Variants in PDE4B observed in about 807,000 individuals in gnomAD.
The protein encoded by PDE4B is phosphodiesterase 4B, also known as 3',5'-cyclic-AMP phosphodiesterase 4B.
In PDE4B, 20 loss-of-function variants were observed where a neutral mutation model predicts 82.2. The ratio of observed to expected loss-of-function variants is 0.24; its 90% confidence interval spans 0.17 to 0.35. The LOEUF (loss-of-function observed/expected upper bound fraction) is 0.35. PDE4B is among the 10% of genes least tolerant of loss of function. The probability of loss-of-function intolerance (pLI) is 1.00; values close to 1 mark genes in which losing one functional copy is unlikely to be tolerated. For synonymous variants in PDE4B, 320 were observed against 318.9 expected (o/e 1.00, Z -0.04); for missense variants, 655 against 907.2 (o/e 0.72, Z 3.57).
Position 66,032,815 on chromosome 1 carries a change from C to T in PDE4B, c.281+113980C>T, listed in dbSNP as rs1377709898. 2.6e-5 allele frequency among the ~76,000 whole-genome samples: 4 copies of T among 151,994 alleles called. No homozygotes were observed. The South Asian group carries it at 6.2e-4, about 24-fold the overall frequency. On this transcript the variant is annotated intron_variant, in intron 3 of 16. Coordinates refer to ENST00000341517, the MANE Select transcript of PDE4B (RefSeq NM_002600.4). The stretch of plus-strand genomic sequence containing the variant: ...GACTACAGGCGCCTGCCACCACGCC[C>T]GGCTAATTTTTTGTATTTTTAGTGG...
intron 3 of PDE4B, among the ~76,000 whole-genome samples, chr1:66,104,593 A>G (rs1645301294): frequency 6.7e-6 from 1 of 148,656 alleles, no homozygotes; most frequent in Non-Finnish European, 1.5e-5. Flanking sequence ...CATCCTCTCC[A>G]GCACCTGTTG....
intron 3 of PDE4B, among the ~76,000 whole-genome samples, chr1:65,946,810 C>T (rs1224846180): frequency 2.0e-5 from 3 of 151,914 alleles, no homozygotes; most frequent in East Asian, 1.9e-4. Flanking sequence ...CTCTTTGCAT[C>T]GTTTGGCAAA....
At chr1:66,086,977 T>C (rs901311288) in intron 3 of PDE4B, among the ~76,000 whole-genome samples, 49 of 152,280 alleles carry the variant, frequency 3.2e-4, no homozygotes, top group Admixed American at 8.5e-4. Flanking sequence ...AAGGTGCTTA[T>C]GCCTGGGAGA....
At chr1:66,336,577 T>C (rs1286360309) in intron 8 of PDE4B, among the ~76,000 whole-genome samples, 1 of 152,228 alleles carries the variant, frequency 6.6e-6, no homozygotes, top group Non-Finnish European at 1.5e-5. Flanking sequence ...CTGTTTTATA[T>C]GCAGAACAAA....
chr1:66,072,017 A>G (rs150957842), intron 3 of PDE4B, among the ~76,000 whole-genome samples: 1 of 152,190 alleles, frequency 6.6e-6, no homozygotes, highest in African/African-American at 2.4e-5. Context: ...GCACCAGTAC[A>G]TCTCCAAGAC....
chr1:66,371,600 T>A (rs1045705096), intron 16 of PDE4B, among the ~76,000 whole-genome samples: 1 of 152,194 alleles, frequency 6.6e-6, no homozygotes. Flanking sequence ...AATGACTGCG[T>A]GCTCTGTAGA....
intron 3 of PDE4B, among the ~76,000 whole-genome samples, chr1:65,964,619 T>C (rs760737210): frequency 2.0e-5 from 3 of 152,224 alleles, no homozygotes; most frequent in Non-Finnish European, 4.4e-5. Context: ...TAGAGATGTT[T>C]CTAGAGCATT....
At chr1:66,343,793 G>A (rs1455952028) in intron 8 of PDE4B, among the ~76,000 whole-genome samples, 1 of 152,152 alleles carries the variant, frequency 6.6e-6, no homozygotes, top group Non-Finnish European at 1.5e-5. Flanking sequence ...AGATTATCCT[G>A]CTTTTAAAGA....
chr1:65,948,807 ATCTT>A (rs1648846552), intron 3 of PDE4B, among the ~76,000 whole-genome samples: 1 of 152,016 alleles, frequency 6.6e-6, no homozygotes, highest in Non-Finnish European at 1.5e-5. Context: ...GTGTTGCAAC[ATCTT>A]TCTTGTTTTT....
intron 3 of PDE4B, among the ~76,000 whole-genome samples, chr1:66,072,328 T>C (rs1656195170): frequency 6.6e-6 from 1 of 152,152 alleles, no homozygotes; most frequent in South Asian, 2.1e-4. Flanking sequence ...ACAGCTGATT[T>C]CCAAAATCAT....
chr1:66,169,185 T>A (rs1646792312), intron 3 of PDE4B, among the ~76,000 whole-genome samples: 1 of 152,178 alleles, frequency 6.6e-6, no homozygotes, highest in Non-Finnish European at 1.5e-5. Context: ...GGAGTATAAT[T>A]TGTCACTCTG....
chr1:65,956,577 T>C (rs1649270675), intron 3 of PDE4B, among the ~76,000 whole-genome samples: 1 of 152,162 alleles, frequency 6.6e-6, no homozygotes. Context: ...AGTTTCCTTA[T>C]TGTTTGCTTC....
At chr1:65,962,696 C>T (rs552288403) in intron 3 of PDE4B, among the ~76,000 whole-genome samples, 32 of 152,204 alleles carry the variant, frequency 2.1e-4, no homozygotes, top group African/African-American at 5.5e-4. Flanking sequence ...TATGAAACCT[C>T]GGAGAGAAAT....
chr1:66,180,272 A>G (rs925301490), intron 3 of PDE4B, among the ~76,000 whole-genome samples: 5 of 152,220 alleles, frequency 3.3e-5, no homozygotes, highest in Admixed American at 1.3e-4. Context: ...GTGAAACAAC[A>G]CAGCAAGTTG....
chr1:66,234,969 C>T (rs1210279411), intron 3 of PDE4B, among the ~76,000 whole-genome samples: 5 of 152,252 alleles, frequency 3.3e-5, no homozygotes, highest in African/African-American at 1.2e-4. Flanking sequence ...TTTTCGTTGT[C>T]ATTCAGTTCA....
rs1481752255 is a variant in PDE4B, at chr1:66,236,309, C to T, written c.282-11151C>T. Reference sequence around the variant, plus strand: ...TCTTCAGAATACCCTTCTATTTCCCCCTTCTTTGCCTTTGTACTCTTGTCA... The same window carrying T: ...TCTTCAGAATACCCTTCTATTTCCCTCTTCTTTGCCTTTGTACTCTTGTCA... On this transcript the variant is annotated intron_variant, in intron 3 of 16. Transcript: ENST00000341517. 3.9e-5 allele frequency among the ~76,000 whole-genome samples: 6 copies of T among 152,104 alleles called. No homozygotes were observed. In the South Asian group the frequency reaches 6.2e-4, roughly 16 times the overall value.
chr1:65,954,835 T>A (rs573245331), intron 3 of PDE4B, among the ~76,000 whole-genome samples: 67 of 152,272 alleles, frequency 4.4e-4, no homozygotes, highest in African/African-American at 1.6e-3. Flanking sequence ...CTTTTTCTAA[T>A]TTTTAAATAT....
At chr1:66,001,626 G>T (rs185458317) in intron 3 of PDE4B, among the ~76,000 whole-genome samples, 35 of 152,200 alleles carry the variant, frequency 2.3e-4, no homozygotes, top group African/African-American at 7.9e-4. Context: ...TTCATGTATG[G>T]TTTTCTGGGT....
intron 3 of PDE4B, among the ~76,000 whole-genome samples, chr1:66,072,522 G>A (rs1656205106): frequency 6.6e-6 from 1 of 152,100 alleles, no homozygotes; most frequent in Non-Finnish European, 1.5e-5. Context: ...AAGCAGCTAG[G>A]TGGCCCTCCA....
Sources: allele counts gnomAD v4.1 joint callset (sites outside exome capture counted in the v4.1 genomes callset), GRCh38; gene constraint gnomAD v4.1.1; transcripts MANE v1.5; gene names NCBI Gene and HGNC (gene_info 2026-07-23, HGNC 2026-07-21).